The following GPR161 variants were observed in gnomAD, a reference collection of about 807,000 sequenced individuals.
The protein encoded by GPR161 is G protein-coupled receptor 161.
In GPR161, 25 loss-of-function variants were observed where a neutral mutation model predicts 39.2. The ratio of observed to expected loss-of-function variants is 0.64; its 90% CI spans 0.47 to 0.89. GPR161 has a LOEUF of 0.89. GPR161 is among the 40% of genes least tolerant of loss of function. GPR161 has a pLI of 0.00. For missense variants in GPR161, 547 were observed against 677.8 expected, an observed-to-expected ratio of 0.81 and a Z score of 2.14; for synonymous variants, 286 against 276.6, an observed-to-expected ratio of 1.03 and a Z score of -0.34.
chr1:168,110,488 G>GAAAAGA (rs1697023784), intron 1 of GPR161, among the ~76,000 whole-genome samples: 1 of 121,594 alleles, frequency 8.2e-6, no homozygotes, highest in Admixed American at 1.1e-4. Flanking sequence ...GACAGAGTGA[G>GAAAAGA]ACCCTGTCAA....
chr1:168,084,484 A>G lies in GPR161; in HGVS notation c.*1047T>C. ...AAATGACATGTGCACACAAAGACAG[A>G]GCTGGGCCAATAACCCAGGTTGCTG... On this transcript the variant is annotated 3_prime_UTR_variant, in exon 6 of 6. Coordinates refer to ENST00000682931, the MANE Select transcript of GPR161 (RefSeq NM_001375883.1). 1 of 325,114 alleles carries G rather than the reference A, an allele frequency of 3.1e-6. No individual in the cohort carries two copies. The highest frequency in any genetic ancestry group is 2.5e-5 in the South Asian group (1 of 39,944). 20.1% of individuals were successfully genotyped at this position (325,114 alleles called of 1,614,324 possible). A position where few individuals can be genotyped will look rare whatever the true frequency, so the allele number is the denominator to read the frequency against.
intron 1 of GPR161, among the ~76,000 whole-genome samples, chr1:168,120,555 A>G (rs1326997969): frequency 1.3e-5 from 2 of 152,128 alleles, no homozygotes; most frequent in East Asian, 1.9e-4. Context: ...TTGAAATGTG[A>G]AAAGGACATT....
intron 1 of GPR161, 118 bp from the exon 2 acceptor site, chr1:168,105,012 TAC>T: frequency 1.4e-6 from 1 of 710,654 alleles, no homozygotes; most frequent in South Asian, 1.9e-5. Context: ...ACCCAGCTAG[TAC>T]AGACTCTCAG....
intron 4 of GPR161, 180 bp downstream of exon 4, chr1:168,090,384 A>C: frequency 1.9e-6 from 1 of 518,150 alleles, no homozygotes; most frequent in Non-Finnish European, 3.5e-6. Context: ...ACTGAGACAC[A>C]GGAAAGCTGA....
chr1:168,085,199 C>T lies in GPR161; in HGVS notation c.*332G>A. 2 of 449,664 alleles carry T rather than the reference C, an allele frequency of 4.4e-6. No homozygotes were observed. The highest frequency in any genetic ancestry group is 8.4e-6 in the Non-Finnish European group (2 of 237,528). The allele number at this position is 449,664 out of a possible 1,614,324, so 27.9% of individuals were successfully genotyped here. The stretch of plus-strand genomic sequence containing the variant: ...GCATGTGGGGGTCTCCTTCCAAGCC[C>T]TTCGTCTCTGGTCCTCCCATGCCCC... On this transcript the variant is annotated 3_prime_UTR_variant, in exon 6 of 6. Coordinates refer to ENST00000682931, the MANE Select transcript of GPR161 (RefSeq NM_001375883.1).
At position 168,084,614 on chromosome 1, in the gene GPR161, A is replaced by G. The variant is rs1331594833; in HGVS notation, c.*917T>C. The G allele has an allele frequency of 2.8e-6, 1 of 359,618 alleles. No individual in the cohort carries two copies. Among genetic ancestry groups the G allele is most frequent in the African/African-American group, 2.1e-5 (1 of 46,568 alleles). The allele number at this position is 359,618 out of a possible 1,614,324, so 22.3% of individuals were successfully genotyped here. A position where few individuals can be genotyped will look rare whatever the true frequency, so the allele number is the denominator to read the frequency against. On this transcript the variant is annotated 3_prime_UTR_variant, in exon 6 of 6. Coordinates refer to ENST00000682931, the MANE Select transcript of GPR161 (RefSeq NM_001375883.1). ...TGCAGAACTGAGGCCAGCTATTTTC[A>G]TTGGTCACTCAAACATCACACATAG...
Position 168,079,771 on chromosome 1 carries a change from T to C in GPR161, c.*5760A>G, listed in dbSNP as rs769656558. ...GGTCTATTATGAGAACACAACACAG[T>C]CCTCTGTCCCTTAAGCATGCAGGTT... On this transcript the variant is annotated 3_prime_UTR_variant, in exon 6 of 6. Coordinates refer to ENST00000682931, the MANE Select transcript of GPR161 (RefSeq NM_001375883.1). 2.0e-5 allele frequency: 3 copies of C among 152,152 alleles called. No homozygotes were observed. The highest frequency in any genetic ancestry group is 4.4e-5 in the Non-Finnish European group (3 of 68,028). 9.4% of individuals were successfully genotyped at this position (152,152 alleles called of 1,614,324 possible). A position where few individuals can be genotyped will look rare whatever the true frequency, so the allele number is the denominator to read the frequency against.
Position 168,087,839 on chromosome 1 carries a change from G to A in GPR161, c.1205-135C>T, listed in dbSNP as rs568808104. 43 of 834,132 alleles carry A rather than the reference G, an allele frequency of 5.2e-5. No individual in the cohort carries two copies. The East Asian group carries it at 6.3e-4, about 12-fold the overall frequency. 51.7% of individuals were successfully genotyped at this position (834,132 alleles called of 1,614,324 possible). ...ATCATCAAGTGGAGCTGACTGCGCC[G>A]CAGCACGTGCCCAAGAAACACCCGC... On this transcript the variant is annotated intron_variant, in intron 4 of 5. Coordinates refer to ENST00000682931, the MANE Select transcript of GPR161 (RefSeq NM_001375883.1).
Position 168,083,722 on chromosome 1 carries a change from A to C in GPR161, c.*1809T>G, listed in dbSNP as rs974166702. On this transcript the variant is annotated 3_prime_UTR_variant, in exon 6 of 6. Transcript: ENST00000682931. ...GAAGCTAGGCCAGCGCCTGGCATCCAGGTGACCCAGAATAGTTGAGTTCAA... is the reference window on the plus strand; with the variant it reads ...GAAGCTAGGCCAGCGCCTGGCATCCCGGTGACCCAGAATAGTTGAGTTCAA... 1 of 152,364 alleles carries C rather than the reference A, an allele frequency of 6.6e-6. No individual in the cohort carries two copies. The highest frequency in any genetic ancestry group is 1.5e-5 in the Non-Finnish European group (1 of 68,168). 9.4% of individuals were successfully genotyped at this position (152,364 alleles called of 1,614,324 possible).
At chr1:168,136,431 G>C in intron 1 of GPR161, 1 of 1,354,412 alleles carries the variant, frequency 7.4e-7, no homozygotes, top group Non-Finnish European at 9.5e-7. Context: ...GGCGGCGCCG[G>C]AGAAACGGGG....
At chr1:168,130,863 A>G (rs900500927) in intron 1 of GPR161, among the ~76,000 whole-genome samples, 1 of 152,152 alleles carries the variant, frequency 6.6e-6, no homozygotes, top group South Asian at 2.1e-4. Context: ...TCTACCCTAG[A>G]TAAAACATCA....
In GPR161 at chr1:168,085,161, A is replaced by G. The variant is rs1229775130; in HGVS notation, c.*370T>C. 1.6e-5 allele frequency: 7 copies of G among 447,840 alleles called. No individual in the cohort carries two copies. Among genetic ancestry groups the G allele is most frequent in the African/African-American group, 5.9e-5 (3 of 50,532 alleles). The allele number at this position is 447,840 out of a possible 1,614,324, so 27.7% of individuals were successfully genotyped here. A position where few individuals can be genotyped will look rare whatever the true frequency, so the allele number is the denominator to read the frequency against. ...GCTGGACTCCCAGCACACTGTGAAG[A>G]GGAGGAAATGATGCATGTGGGGGTC... On this transcript the variant is annotated 3_prime_UTR_variant, in exon 6 of 6. Coordinates refer to ENST00000682931, the MANE Select transcript of GPR161 (RefSeq NM_001375883.1).
intron 3 of GPR161, among the ~76,000 whole-genome samples, chr1:168,094,495 G>C (rs1695346299): frequency 6.6e-6 from 1 of 152,132 alleles, no homozygotes; most frequent in Admixed American, 6.5e-5. Context: ...TCCTCTCTTG[G>C]AAATAAAACT....
rs1404570657 is a variant in GPR161, at chr1:168,080,626, G to A, written c.*4905C>T. ...AGGATTAGGGATTCTGTGAACCCAA[G>A]AGCCACAGCCAGGCAGTCACTCTGT... is the stretch of plus-strand genomic sequence containing the variant. On this transcript the variant is annotated 3_prime_UTR_variant, in exon 6 of 6. Coordinates refer to ENST00000682931, the MANE Select transcript of GPR161 (RefSeq NM_001375883.1). The A allele has an allele frequency of 6.6e-6, 1 of 152,242 alleles. No individual in the cohort carries two copies. Among genetic ancestry groups the A allele is most frequent in the Non-Finnish European group, 1.5e-5 (1 of 68,096 alleles). 9.4% of individuals were successfully genotyped at this position (152,242 alleles called of 1,614,324 possible). A position where few individuals can be genotyped will look rare whatever the true frequency, so the allele number is the denominator to read the frequency against.
At position 168,096,947 on chromosome 1, in the gene GPR161, G is replaced by C. The variant is rs201970960; in HGVS notation, c.660C>G (p.Arg220=). The change falls in exon 3 of 6, where the codon CGC becomes CGG. Residue 220 remains arginine (R), a synonymous_variant. Transcript: ENST00000682931. ...FIFRVARVKA[R]KVHCGTVVIV... ...TGACGACTGTGCCACAGTGCACCTT[G>C]CGTGCCTTGACCCTGGCCACGCGGA... 5.8e-5 allele frequency: 94 copies of C among 1,614,126 alleles called. 1 individual carries two copies. In the Middle Eastern group the frequency reaches 8.2e-4, roughly 14 times the overall value.
At chr1:168,136,991 C>G, upstream of GPR161, 2 of 910,428 alleles carry the variant, frequency 2.2e-6, no homozygotes, top group Non-Finnish European at 2.6e-6. Flanking sequence ...CCCTCCGGCC[C>G]CCGGAGCCCC....
intron 5 of GPR161, 134 bp downstream of exon 5, chr1:168,087,451 A>C: frequency 9.7e-7 from 1 of 1,030,092 alleles, no homozygotes; most frequent in South Asian, 1.4e-5. Flanking sequence ...CAGGGCTGGG[A>C]GTAACCAGGG....
rs1200312153 is a variant in GPR161 at position 168,119,228 on chromosome 1, G to GTA, written c.-44-14336_-44-14335dup. 2.5e-3 allele frequency among the ~76,000 whole-genome samples: 240 copies of GTA among 96,508 alleles called. 12 individuals are homozygous for GTA. Among genetic ancestry groups the GTA allele is most frequent in the African/African-American group, 4.2e-3 (78 of 18,632 alleles). 63.3% of individuals were successfully genotyped at this position (96,508 alleles called of 152,430 possible). A position where few individuals can be genotyped will look rare whatever the true frequency, so the allele number is the denominator to read the frequency against. On this transcript the variant is annotated intron_variant, in intron 1 of 5. Transcript: ENST00000682931. ...TATATATGTATACATATATATATACGTATATATATATATACACATATATAT... is the reference window on the plus strand; with the variant it reads ...TATATATGTATACATATATATATACGTATATATATATATATACACATATATAT...
At chr1:168,135,564 G>C (rs1273071453) in intron 1 of GPR161, among the ~76,000 whole-genome samples, 1 of 152,144 alleles carries the variant, frequency 6.6e-6, no homozygotes, top group Admixed American at 6.5e-5. Context: ...CTCTTCACTT[G>C]CTCCCAGTGG....
Sources: gnomAD v4.1 joint callset for allele counts (sites outside exome capture counted in the v4.1 genomes callset) on GRCh38, gnomAD v4.1.1 for gene constraint, MANE v1.5 for transcripts, NCBI Gene and HGNC (gene_info 2026-07-23, HGNC 2026-07-21) for gene names.